PPP1R12A: variants seen among roughly 807,000 people sequenced by gnomAD.
PPP1R12A encodes the protein myosin binding subunit.
In PPP1R12A, 19 loss-of-function variants were observed where a neutral mutation model predicts 139.6. That is an observed-to-expected ratio of 0.14 (90% CI 0.09 to 0.20). The LOEUF (loss-of-function observed/expected upper bound fraction) is 0.20, where lower values mean the gene tolerates loss of function less well. Ranked by LOEUF, PPP1R12A falls within the 10% of genes least tolerant of loss-of-function variation. PPP1R12A has a pLI of 1.00. For synonymous variants in PPP1R12A, 427 were observed against 420.6 expected, an observed-to-expected ratio of 1.02 and a Z score of -0.19; for missense variants, 925 against 1,211.5, an observed-to-expected ratio of 0.76 and a Z score of 3.51.
intron 1 of PPP1R12A, among the ~76,000 whole-genome samples, chr12:79,903,418 T>C (rs1885819028): frequency 6.7e-6 from 1 of 149,716 alleles, no homozygotes; most frequent in Non-Finnish European, 1.5e-5. Flanking sequence ...AGCACTGCAC[T>C]CCAGCCTGGG....
chr12:79,924,548 C>A (rs1887685178), intron 1 of PPP1R12A, among the ~76,000 whole-genome samples: 1 of 152,148 alleles, frequency 6.6e-6, no homozygotes, highest in Non-Finnish European at 1.5e-5. Context: ...CCTGCCTCAG[C>A]CTCCTGAGTA....
intron 3 of PPP1R12A, among the ~76,000 whole-genome samples, chr12:79,834,261 C>T (rs1325442051): frequency 6.6e-6 from 1 of 152,174 alleles, no homozygotes; most frequent in Non-Finnish European, 1.5e-5. Flanking sequence ...ACTGGGAAAA[C>T]ATTCCAGGCA....
At chr12:79,853,901 G>T (rs1397219782) in intron 2 of PPP1R12A, among the ~76,000 whole-genome samples, 1 of 152,142 alleles carries the variant, frequency 6.6e-6, no homozygotes, top group Non-Finnish European at 1.5e-5. Context: ...CAATGACTTT[G>T]TATAATTGAT....
intron 5 of PPP1R12A, among the ~76,000 whole-genome samples, chr12:79,825,844 A>C (rs1439768427): frequency 2.6e-5 from 4 of 152,024 alleles, no homozygotes; most frequent in African/African-American, 9.6e-5. Flanking sequence ...ATGACAATTT[A>C]AAATGCAGAC....
chr12:79,926,673 ATT>A (rs940164466), intron 1 of PPP1R12A, among the ~76,000 whole-genome samples: 1 of 151,934 alleles, frequency 6.6e-6, no homozygotes, highest in Non-Finnish European at 1.5e-5. Context: ...ATTGTGTCCA[ATT>A]TTTTTTAATC....
At position 79,796,806 on chromosome 12, in the gene PPP1R12A, C is replaced by T; in HGVS notation, c.2437G>A (p.Gly813Arg). 1.2e-6 allele frequency: 2 copies of T among 1,609,372 alleles called. No individual in the cohort carries two copies. The highest frequency in any genetic ancestry group is 2.2e-5 in the East Asian group (1 of 44,676). The change falls in exon 17 of 25, where the codon GGA becomes AGA. Residue 813 changes from glycine to arginine, a missense_variant. Gly to Arg is a moderately radical substitution (Grantham distance 125). Coordinates refer to ENST00000450142, the MANE Select transcript of PPP1R12A (RefSeq NM_002480.3). ...LVGITSAYSR[G>R]ITKENEREGE... ...CCTCTTTCATTTTCTTTTGTTATTC[C>T]TCTGGAGTAAGCAGAAGTTATGCCT...
At chr12:79,927,339 T>C (rs982910897) in intron 1 of PPP1R12A, among the ~76,000 whole-genome samples, 4 of 152,228 alleles carry the variant, frequency 2.6e-5, no homozygotes, top group African/African-American at 9.6e-5. Flanking sequence ...TGATATATTC[T>C]GCACATAATG....
intron 1 of PPP1R12A, among the ~76,000 whole-genome samples, chr12:79,912,302 A>C (rs893953352): frequency 6.6e-6 from 1 of 152,210 alleles, no homozygotes; most frequent in Non-Finnish European, 1.5e-5. Flanking sequence ...GCATTGATAC[A>C]TTTAATGAGA....
chr12:79,915,406 C>G (rs746948805), intron 1 of PPP1R12A, among the ~76,000 whole-genome samples: 3 of 152,094 alleles, frequency 2.0e-5, no homozygotes, highest in African/African-American at 4.8e-5. Context: ...ATCTAAAAAC[C>G]TAGACACATT....
At chr12:79,907,710 G>C (rs1455382847) in intron 1 of PPP1R12A, among the ~76,000 whole-genome samples, 2 of 152,164 alleles carry the variant, frequency 1.3e-5, no homozygotes, top group South Asian at 2.1e-4. Flanking sequence ...ACCTGCCTGA[G>C]CAACACAGCA....
At position 79,792,564 on chromosome 12, in the gene PPP1R12A, A is replaced by G. The variant is rs150893968; in HGVS notation, c.2649+1299T>C. On this transcript the variant is annotated intron_variant, in intron 19 of 24. Coordinates refer to ENST00000450142, the MANE Select transcript of PPP1R12A (RefSeq NM_002480.3). ...AAAACTACTTAAATTGAAAATAAAA[A>G]AACTTTTCGTCTTAGAAACAATGTT... is the stretch of plus-strand genomic sequence containing the variant. 6.4e-3 allele frequency among the ~76,000 whole-genome samples: 982 copies of G among 152,338 alleles called. 6 individuals are homozygous for G. Among genetic ancestry groups the G allele is most frequent in the Non-Finnish European group, 9.1e-3 (616 of 68,026 alleles).
intron 9 of PPP1R12A, among the ~76,000 whole-genome samples, 194 bp from the exon 10 acceptor site, chr12:79,810,204 A>C (rs1340867578): frequency 6.6e-6 from 1 of 152,178 alleles, no homozygotes; most frequent in Non-Finnish European, 1.5e-5. Flanking sequence ...GAAATAGACT[A>C]CCTTCCTAGG....
chr12:79,790,397 C>A, intron 20 of PPP1R12A, 70 bp downstream of exon 20: 1 of 1,066,884 alleles, frequency 9.4e-7, no homozygotes, highest in South Asian at 2.1e-5. Context: ...TCCATAAATT[C>A]CTAGCAACAC....
chr12:79,888,459 G>T (rs1023001303), intron 1 of PPP1R12A, among the ~76,000 whole-genome samples: 1 of 152,108 alleles, frequency 6.6e-6, no homozygotes, highest in Non-Finnish European at 1.5e-5. Context: ...GAACCCAGAG[G>T]GCATGAGTAT....
intron 1 of PPP1R12A, among the ~76,000 whole-genome samples, chr12:79,892,553 G>A (rs1884753630): frequency 6.6e-6 from 1 of 152,126 alleles, no homozygotes; most frequent in African/African-American, 2.4e-5. Context: ...ATTTTCTGCT[G>A]CATAATTCAT....
intron 5 of PPP1R12A, among the ~76,000 whole-genome samples, chr12:79,822,865 A>G (rs1191515327): frequency 3.3e-5 from 5 of 149,394 alleles, no homozygotes; most frequent in African/African-American, 1.2e-4. Flanking sequence ...GCATTCATAT[A>G]CAACTTTTTG....
chr12:79,858,498 C>T (rs1475033557), intron 2 of PPP1R12A, among the ~76,000 whole-genome samples: 2 of 152,064 alleles, frequency 1.3e-5, no homozygotes, highest in Admixed American at 1.3e-4. Flanking sequence ...GAAATGGAGG[C>T]TTAGGGAAGC....
chr12:79,925,091 TA>T (rs925915830), intron 1 of PPP1R12A, among the ~76,000 whole-genome samples: 2 of 152,120 alleles, frequency 1.3e-5, no homozygotes, highest in African/African-American at 4.8e-5. Context: ...GAGGATATTT[TA>T]AAAAAATGTT....
intron 1 of PPP1R12A, among the ~76,000 whole-genome samples, chr12:79,887,596 G>A (rs2137407475): frequency 6.6e-6 from 1 of 152,242 alleles, no homozygotes; most frequent in East Asian, 1.9e-4. Context: ...TCTGCACTCT[G>A]GAGACAGGGT....
Sources: gnomAD v4.1 joint callset for allele counts (sites outside exome capture counted in the v4.1 genomes callset) on GRCh38, gnomAD v4.1.1 for gene constraint, MANE v1.5 for transcripts, NCBI Gene and HGNC (gene_info 2026-07-23, HGNC 2026-07-21) for gene names.